The following CNTNAP2 variants were observed in gnomAD, a reference collection of about 807,000 sequenced individuals.
The protein encoded by CNTNAP2 is contactin-associated protein-like 2.
In CNTNAP2, 98 loss-of-function variants were observed where a neutral mutation model predicts 155.2. That is an observed-to-expected ratio of 0.63 (90% confidence interval 0.54 to 0.75). CNTNAP2 has a LOEUF of 0.75. Ranked by LOEUF, CNTNAP2 falls within the 30% of genes least tolerant of loss-of-function variation. The pLI is 0.00. For synonymous variants in CNTNAP2, 651 were observed against 631.2 expected, an observed-to-expected ratio of 1.03 and a Z score of -0.47; for missense variants, 1,727 against 1,688.1, an observed-to-expected ratio of 1.02 and a Z score of -0.40.
At chr7:147,362,386 C>T (rs747242303) in intron 9 of CNTNAP2, among the ~76,000 whole-genome samples, 6 of 152,132 alleles carry the variant, frequency 3.9e-5, no homozygotes, top group African/African-American at 1.4e-4. Context: ...CCTCCTGCCT[C>T]GGCCACACAA....
At chr7:147,674,159 A>G (rs1795831544) in intron 13 of CNTNAP2, among the ~76,000 whole-genome samples, 1 of 152,190 alleles carries the variant, frequency 6.6e-6, no homozygotes, top group African/African-American at 2.4e-5. Flanking sequence ...TCTAACTAGC[A>G]TGCGATAGTA....
chr7:147,616,612 A>C (rs1224093707), intron 12 of CNTNAP2, among the ~76,000 whole-genome samples: 1 of 152,110 alleles, frequency 6.6e-6, no homozygotes, highest in Non-Finnish European at 1.5e-5. Flanking sequence ...AATTTGCTCA[A>C]ATATTAGGAT....
At chr7:147,866,826 T>C (rs539775985) in intron 13 of CNTNAP2, among the ~76,000 whole-genome samples, 7 of 152,152 alleles carry the variant, frequency 4.6e-5, no homozygotes, top group Non-Finnish European at 1.0e-4. Flanking sequence ...TCCCTTTATT[T>C]TGAGCCTATG....
At chr7:148,316,597 G>T (rs1668470418) in intron 21 of CNTNAP2, among the ~76,000 whole-genome samples, 1 of 152,188 alleles carries the variant, frequency 6.6e-6, no homozygotes, top group South Asian at 2.1e-4. Context: ...AGTTCTAATA[G>T]AAATCATTAA....
intron 4 of CNTNAP2, among the ~76,000 whole-genome samples, chr7:147,044,880 G>C (rs1008943536): frequency 5.3e-5 from 8 of 151,884 alleles, no homozygotes; most frequent in African/African-American, 1.9e-4. Context: ...GTGGAAATTT[G>C]TTTGGGCCAA....
intron 1 of CNTNAP2, among the ~76,000 whole-genome samples, chr7:146,365,897 A>G (rs1795148115): frequency 6.6e-6 from 1 of 152,218 alleles, no homozygotes; most frequent in Non-Finnish European, 1.5e-5. Flanking sequence ...AAGTTAAACC[A>G]GTGGTACTAT....
At position 146,505,745 on chromosome 7, in the gene CNTNAP2, G is replaced by A. The variant is rs552303887; in HGVS notation, c.98-268526G>A. ...CCTGCCTTTACAGACATTGGGGCAG[G>A]CAACAACAGATTACCATTGTCCCCA... On this transcript the variant is annotated intron_variant, in intron 1 of 23. Coordinates refer to ENST00000361727, the MANE Select transcript of CNTNAP2 (RefSeq NM_014141.6). Among the ~76,000 whole-genome samples, 4 of 152,314 alleles carry A rather than the reference G, an allele frequency of 2.6e-5. No individual in the cohort carries two copies. The East Asian group carries it at 7.7e-4, about 29-fold the overall frequency.
rs775209615 is a variant in CNTNAP2 at position 148,383,734 on chromosome 7, C to T, written c.3561C>T (p.Ile1187=). 15 of 1,614,088 alleles carry T rather than the reference C, an allele frequency of 9.3e-6. No individual in the cohort carries two copies. The African/African-American group carries it at 1.1e-4, about 11-fold the overall frequency. ...TCTCCAGAGTCCAGTTCAACCAGAT[C>T]GCCCCTCTCAAGGCCGCCTTGAGGC... is the stretch of plus-strand genomic sequence containing the variant. ...GCLSRVQFNQ[I]APLKAALRQT... The change falls in exon 22 of 24, where the codon ATC becomes ATT. Residue 1187 remains isoleucine, a synonymous_variant. Transcript: ENST00000361727.
intron 19 of CNTNAP2, among the ~76,000 whole-genome samples, chr7:148,228,813 G>T (rs1795905525): frequency 7.9e-6 from 1 of 126,368 alleles, no homozygotes; most frequent in African/African-American, 3.0e-5. Context: ...GGGCGACAGA[G>T]CGAGACTCTG....
chr7:146,505,185 G>A (rs1184483744), intron 1 of CNTNAP2, among the ~76,000 whole-genome samples: 3 of 152,208 alleles, frequency 2.0e-5, no homozygotes, highest in African/African-American at 7.2e-5. Flanking sequence ...GAAGCTGGAT[G>A]TATGTGCCAG....
chr7:147,824,960 A>T (rs1258573297), intron 13 of CNTNAP2, among the ~76,000 whole-genome samples: 2 of 152,148 alleles, frequency 1.3e-5, no homozygotes, highest in Non-Finnish European at 2.9e-5. Flanking sequence ...GAAGTAGTGG[A>T]CTCAAGTAAT....
intron 3 of CNTNAP2, among the ~76,000 whole-genome samples, chr7:146,930,286 A>G (rs1796718285): frequency 6.6e-6 from 1 of 152,190 alleles, no homozygotes; most frequent in Non-Finnish European, 1.5e-5. Flanking sequence ...CCAATATGCA[A>G]CATTCATAAA....
At chr7:146,953,951 C>T (rs1253881029) in intron 3 of CNTNAP2, among the ~76,000 whole-genome samples, 2 of 151,808 alleles carry the variant, frequency 1.3e-5, no homozygotes, top group African/African-American at 4.8e-5. Flanking sequence ...TAGGGCACAC[C>T]TATATCTTGT....
chr7:147,888,008 G>A (rs916962289), intron 13 of CNTNAP2, among the ~76,000 whole-genome samples: 2 of 152,124 alleles, frequency 1.3e-5, no homozygotes, highest in African/African-American at 2.4e-5. Flanking sequence ...AAAAGCAAAT[G>A]CAGATGATCT....
intron 21 of CNTNAP2, among the ~76,000 whole-genome samples, chr7:148,315,310 CA>C (rs1797669123): frequency 6.6e-6 from 1 of 151,710 alleles, no homozygotes; most frequent in Admixed American, 6.6e-5. Context: ...AGAGAGTCAG[CA>C]AAGGGAGATA....
At chr7:148,136,414 G>A (rs79198010) in intron 16 of CNTNAP2, among the ~76,000 whole-genome samples, 6 of 151,932 alleles carry the variant, frequency 3.9e-5, no homozygotes, top group East Asian at 1.9e-4. Flanking sequence ...CCTCTCTCTC[G>A]CTTCCTCTCT....
chr7:147,147,959 C>T (rs1011210303), intron 8 of CNTNAP2, among the ~76,000 whole-genome samples: 2 of 152,140 alleles, frequency 1.3e-5, no homozygotes, highest in African/African-American at 4.8e-5. Flanking sequence ...ACACACACCC[C>T]ACAGAGTCTT....
At chr7:146,892,886 A>T (rs1051656692) in intron 3 of CNTNAP2, among the ~76,000 whole-genome samples, 2 of 152,202 alleles carry the variant, frequency 1.3e-5, no homozygotes, top group Non-Finnish European at 2.9e-5. Context: ...GATAGGTATA[A>T]ACTTCTGATC....
intron 13 of CNTNAP2, among the ~76,000 whole-genome samples, chr7:147,711,282 C>T (rs1362819850): frequency 6.6e-6 from 1 of 152,086 alleles, no homozygotes. Flanking sequence ...AACCCAAATT[C>T]CTGAGCTTTA....
Sources: gnomAD v4.1 joint callset for allele counts (sites outside exome capture counted in the v4.1 genomes callset) on GRCh38, gnomAD v4.1.1 for gene constraint, MANE v1.5 for transcripts, NCBI Gene and HGNC (gene_info 2026-07-23, HGNC 2026-07-21) for gene names.